Variants in VAT1L observed in about 807,000 individuals in gnomAD.
VAT1L encodes putative NADPH-dependent quinone oxidoreductase VAT1L.
VAT1L carries 34 observed loss-of-function variants against 44.1 expected under a neutral mutation model. The observed-to-expected ratio is 0.77, with a 90% CI of 0.59 to 1.03. The LOEUF (loss-of-function observed/expected upper bound fraction) is 1.03. Among genes scored for constraint, VAT1L ranks in the 50% least tolerant of loss-of-function variants. The pLI, the probability that VAT1L is intolerant of heterozygous loss-of-function variation, is 0.00. For synonymous variants in VAT1L, 253 were observed against 202.2 expected, an observed-to-expected ratio of 1.25 and a Z score of -2.13; for missense variants, 615 against 538.8, an observed-to-expected ratio of 1.14 and a Z score of -1.40.
intron 7 of VAT1L, among the ~76,000 whole-genome samples, chr16:77,917,173 C>G (rs941184976): frequency 2.0e-5 from 3 of 151,780 alleles, no homozygotes; most frequent in African/African-American, 7.3e-5. Context: ...TCTAGAGAGA[C>G]GATAAGAGGG....
At chr16:77,867,295 ATTT>A (rs1438144179) in intron 4 of VAT1L, among the ~76,000 whole-genome samples, 5 of 152,314 alleles carry the variant, frequency 3.3e-5, no homozygotes, top group Middle Eastern at 3.4e-3. Context: ...GTGTGAACAT[ATTT>A]AATCTCTCAC....
intron 2 of VAT1L, among the ~76,000 whole-genome samples, chr16:77,820,621 G>A (rs1014723683): frequency 3.7e-4 from 56 of 152,092 alleles, no homozygotes; most frequent in African/African-American, 1.2e-3. Flanking sequence ...TAGAACAAAG[G>A]AGAGCTCTGC....
chr16:77,921,983 A>G (rs1354333886), intron 7 of VAT1L, among the ~76,000 whole-genome samples: 1 of 152,116 alleles, frequency 6.6e-6, no homozygotes, highest in Non-Finnish European at 1.5e-5. Flanking sequence ...CCTGGGCTCA[A>G]GCAATTCTCT....
chr16:77,891,220 G>A (rs1467404149), intron 7 of VAT1L, among the ~76,000 whole-genome samples: 1 of 152,122 alleles, frequency 6.6e-6, no homozygotes, highest in African/African-American at 2.4e-5. Flanking sequence ...CGGGCGTGAT[G>A]GCAGGCGCTT....
At chr16:77,887,254 A>C (rs571224363) in intron 7 of VAT1L, among the ~76,000 whole-genome samples, 2 of 152,332 alleles carry the variant, frequency 1.3e-5, no homozygotes, top group African/African-American at 4.8e-5. Flanking sequence ...GAGTAGGTTA[A>C]CAAGGGCTGG....
rs568089729 is a variant in VAT1L at position 77,824,421 on chromosome 16, C to T, written c.364-825C>T. ...TGAAATGTATTAGCTTTTTGCACTG[C>T]AAATGTATTTTAAAAGTTATTCGTT... On this transcript the variant is annotated intron_variant, in intron 2 of 8. Coordinates refer to ENST00000302536, the MANE Select transcript of VAT1L (RefSeq NM_020927.3). Among the ~76,000 whole-genome samples the T allele has an allele frequency of 2.6e-5, 4 of 152,190 alleles. No individual in the cohort carries two copies. The East Asian group carries it at 7.7e-4, about 29-fold the overall frequency.
At chr16:77,829,686 C>T (rs2016558801) in intron 3 of VAT1L, among the ~76,000 whole-genome samples, 1 of 152,128 alleles carries the variant, frequency 6.6e-6, no homozygotes, top group Admixed American at 6.5e-5. Context: ...CAGAATGAGA[C>T]TCATGTTGGG....
At chr16:77,810,475 T>C (rs1414600453) in intron 1 of VAT1L, among the ~76,000 whole-genome samples, 3 of 152,128 alleles carry the variant, frequency 2.0e-5, no homozygotes, top group East Asian at 3.9e-4. Flanking sequence ...ATCTCCAAAG[T>C]ACTCAGAGGT....
At chr16:77,843,325 TG>T (rs1338809142) in intron 3 of VAT1L, among the ~76,000 whole-genome samples, 9 of 151,410 alleles carry the variant, frequency 5.9e-5, no homozygotes, top group African/African-American at 2.2e-4. Flanking sequence ...GCTGGCAGGG[TG>T]GTAAGGATGC....
At position 77,975,645 on chromosome 16, in the gene VAT1L, T is replaced by C. The variant is rs78154238; in HGVS notation, c.1162-1952T>C. 4.9e-4 allele frequency among the ~76,000 whole-genome samples: 75 copies of C among 152,374 alleles called. No homozygotes were observed. The East Asian group carries it at 0.013, about 27-fold the overall frequency. ...CCAGGCAGGGGAAGTCGACTGCTAC[T>C]GGCAGCTCCAGAAGTAAATTTCCTG... On this transcript the variant is annotated intron_variant, in intron 8 of 8. Transcript: ENST00000302536.
In VAT1L at chr16:77,926,025, G is replaced by A. The variant is rs530598642; in HGVS notation, c.1077+41223G>A. Reference sequence around the variant, plus strand: ...TACCTGTAATCCTAGCACTTTGGGAGGCCGAGGCGGGTGGGTCACGAGGTC... The same window carrying A: ...TACCTGTAATCCTAGCACTTTGGGAAGCCGAGGCGGGTGGGTCACGAGGTC... On this transcript the variant is annotated intron_variant, in intron 7 of 8. Transcript: ENST00000302536. Among the ~76,000 whole-genome samples the A allele has an allele frequency of 9.2e-5, 14 of 152,158 alleles. No individual in the cohort carries two copies. The South Asian group carries it at 2.7e-3, about 29-fold the overall frequency.
intron 7 of VAT1L, among the ~76,000 whole-genome samples, chr16:77,924,030 C>G (rs371981086): frequency 6.6e-6 from 1 of 152,018 alleles, no homozygotes; most frequent in Admixed American, 6.6e-5. Context: ...GTTGCATCCC[C>G]ACTGGTTCTT....
intron 7 of VAT1L, among the ~76,000 whole-genome samples, chr16:77,926,589 A>G (rs2017671841): frequency 6.6e-6 from 1 of 152,124 alleles, no homozygotes; most frequent in Non-Finnish European, 1.5e-5. Context: ...TCTCAAAAAA[A>G]GTAGAAGTAG....
intron 7 of VAT1L, among the ~76,000 whole-genome samples, chr16:77,946,973 C>T (rs1177468184): frequency 6.6e-6 from 1 of 152,188 alleles, no homozygotes; most frequent in Non-Finnish European, 1.5e-5. Context: ...TACTTTAATT[C>T]CCTGTCTGTT....
chr16:77,790,847 AG>A (rs1181452602), intron 1 of VAT1L, among the ~76,000 whole-genome samples: 1 of 152,204 alleles, frequency 6.6e-6, no homozygotes, highest in African/African-American at 2.4e-5. Flanking sequence ...AATTGCTGAT[AG>A]GAACTGAAGC....
intron 1 of VAT1L, among the ~76,000 whole-genome samples, chr16:77,805,473 C>T (rs1290952130): frequency 6.6e-6 from 1 of 151,550 alleles, no homozygotes; most frequent in East Asian, 1.9e-4. Context: ...TTCTTTGACC[C>T]CGCATGGATT....
At position 77,913,768 on chromosome 16, in the gene VAT1L, T is replaced by C. The variant is rs182406466; in HGVS notation, c.1077+28966T>C. Among the ~76,000 whole-genome samples the C allele has an allele frequency of 4.4e-3, 664 of 152,294 alleles. 3 individuals are homozygous for C. Among genetic ancestry groups the C allele is most frequent in the Non-Finnish European group, 6.6e-3 (451 of 68,034 alleles). On this transcript the variant is annotated intron_variant, in intron 7 of 8. Coordinates refer to ENST00000302536, the MANE Select transcript of VAT1L (RefSeq NM_020927.3). ...AGGCCAGGAGCTGCCTAAGACAATATTGGACATCAGATATAAACAGTAAGT... is the reference window on the plus strand; with the variant it reads ...AGGCCAGGAGCTGCCTAAGACAATACTGGACATCAGATATAAACAGTAAGT...
intron 7 of VAT1L, among the ~76,000 whole-genome samples, chr16:77,891,972 T>C (rs1253559119): frequency 3.9e-5 from 6 of 152,114 alleles, no homozygotes; most frequent in Admixed American, 2.6e-4. Flanking sequence ...CTCGGGGGGC[T>C]GAGGCAGGAG....
At chr16:77,929,098 G>A (rs752622607) in intron 7 of VAT1L, among the ~76,000 whole-genome samples, 48 of 152,192 alleles carry the variant, frequency 3.2e-4, no homozygotes, top group Non-Finnish European at 5.4e-4. Flanking sequence ...ACAGGTGTGA[G>A]CCACCGTGCC....
Sources: allele counts gnomAD v4.1 joint callset (sites outside exome capture counted in the v4.1 genomes callset), GRCh38; gene constraint gnomAD v4.1.1; transcripts MANE v1.5; gene names NCBI Gene and HGNC (gene_info 2026-07-23, HGNC 2026-07-21).